Variants in SSH2 observed in about 807,000 individuals in gnomAD.
SSH2 encodes the protein protein phosphatase Slingshot homolog 2.
In SSH2, 37 loss-of-function variants were observed where a neutral mutation model predicts 135.2. The observed-to-expected ratio is 0.27, with a 90% CI of 0.21 to 0.36. The LOEUF (loss-of-function observed/expected upper bound fraction) is 0.36, where lower values mean the gene tolerates loss of function less well. Among genes scored for constraint, SSH2 ranks in the 10% least tolerant of loss-of-function variants. The pLI, the probability that SSH2 is intolerant of heterozygous loss-of-function variation, is 1.00. For synonymous variants in SSH2, 628 were observed against 646.2 expected (o/e 0.97, Z 0.43); for missense variants, 1,408 against 1,765.3 (o/e 0.80, Z 3.63).
chr17:29,645,930 G>T (rs1465331706), intron 14 of SSH2: 1 of 152,114 alleles, frequency 6.6e-6, no homozygotes, highest in African/African-American at 2.4e-5. Context: ...GCCCAGATAG[G>T]CTGGAAGGCT....
chr17:29,897,955 G>C (rs987411302), intron 1 of SSH2, among the ~76,000 whole-genome samples: 1 of 152,044 alleles, frequency 6.6e-6, no homozygotes, highest in African/African-American at 2.4e-5. Context: ...AATCAACCTG[G>C]AACTCGGGAT....
At chr17:29,889,612 G>A (rs1003083260) in intron 1 of SSH2, among the ~76,000 whole-genome samples, 4 of 151,830 alleles carry the variant, frequency 2.6e-5, no homozygotes, top group Admixed American at 2.6e-4. Context: ...GTGCTTCAGA[G>A]TACACCATAA....
chr17:29,650,839 C>T, intron 12 of SSH2, 39 bp from the exon 13 acceptor site: 3 of 1,514,372 alleles, frequency 2.0e-6, no homozygotes, highest in Non-Finnish European at 2.7e-6. Flanking sequence ...CTCTACTACT[C>T]AGGCTAAATC....
intron 14 of SSH2, among the ~76,000 whole-genome samples, chr17:29,639,301 T>G (rs1372431664): frequency 6.6e-6 from 1 of 152,050 alleles, no homozygotes; most frequent in East Asian, 1.9e-4. Flanking sequence ...GTTGGTCAGG[T>G]TCATCTGCCC....
At chr17:29,900,153 A>C (rs1278680998) in intron 1 of SSH2, among the ~76,000 whole-genome samples, 3 of 152,240 alleles carry the variant, frequency 2.0e-5, no homozygotes, top group African/African-American at 7.2e-5. Flanking sequence ...AAATACTTAT[A>C]TGTTAGACCT....
intron 1 of SSH2, among the ~76,000 whole-genome samples, chr17:29,862,582 T>C: frequency 6.6e-6 from 1 of 152,176 alleles, no homozygotes; most frequent in East Asian, 1.9e-4. Context: ...ACTGCCTCCC[T>C]TGGGCTCCAG....
chr17:29,656,069 C>T (rs1302679626), intron 11 of SSH2, among the ~76,000 whole-genome samples: 1 of 152,238 alleles, frequency 6.6e-6, no homozygotes, highest in South Asian at 2.1e-4. Context: ...AACCCACGCA[C>T]CTTGCACAGT....
intron 3 of SSH2, among the ~76,000 whole-genome samples, chr17:29,708,275 T>C (rs1280496815): frequency 1.3e-5 from 2 of 151,306 alleles, no homozygotes; most frequent in African/African-American, 2.4e-5. Flanking sequence ...TGACAAGGAG[T>C]TGTCAATTGT....
At chr17:29,793,674 G>T in intron 3 of SSH2, 2 of 412,822 alleles carry the variant, frequency 4.8e-6, no homozygotes, top group African/African-American at 2.1e-5. Context: ...CTGATACGTT[G>T]TCTCAAACTC....
rs2628168 is a variant in SSH2, at chr17:29,737,202, G to C, written c.189-34140C>G. The stretch of plus-strand genomic sequence containing the variant: ...AAATGCAGTGGCCTTATATTATTTA[G>C]ATTATCTGTTATATATACCTAAAAA... On this transcript the variant is annotated intron_variant, in intron 3 of 15. Transcript: ENST00000540801. Among the ~76,000 whole-genome samples, 4 of 147,958 alleles carry C rather than the reference G, an allele frequency of 2.7e-5. No homozygotes were observed. The Admixed American group carries it at 2.7e-4, about 10-fold the overall frequency.
rs2043657552 is a variant in SSH2 at position 29,758,451 on chromosome 17, T to C, written c.188+35443A>G. ...TATGATTAAATGAGATAGATGTACA[T>C]TAAACTCAGCACTGTGAAAATGGTC... is the stretch of plus-strand genomic sequence containing the variant. On this transcript the variant is annotated intron_variant, in intron 3 of 15. Transcript: ENST00000540801. Among the ~76,000 whole-genome samples the C allele has an allele frequency of 2.0e-5, 3 of 152,248 alleles. No individual in the cohort carries two copies. In the South Asian group the frequency reaches 6.2e-4, roughly 31 times the overall value.
chr17:29,642,202 C>T (rs11650918), intron 14 of SSH2, among the ~76,000 whole-genome samples: 3,618 of 152,208 alleles, frequency 0.024, 75 homozygotes, highest in Non-Finnish European at 0.036. Context: ...TTGCCTACTG[C>T]CAGCTGACCA....
intron 3 of SSH2, among the ~76,000 whole-genome samples, chr17:29,704,356 C>G (rs1233147335): frequency 6.6e-6 from 1 of 152,064 alleles, no homozygotes; most frequent in Non-Finnish European, 1.5e-5. Flanking sequence ...TTGTCATTCA[C>G]AAGATGATAA....
At chr17:29,769,757 C>CGTGT in intron 3 of SSH2, among the ~76,000 whole-genome samples, 1 of 152,268 alleles carries the variant, frequency 6.6e-6, no homozygotes, top group Admixed American at 6.5e-5. Flanking sequence ...GCTTATCGAA[C>CGTGT]GTGTCCAATT....
In SSH2 at chr17:29,642,091, C is replaced by T. The variant is rs193278355; in HGVS notation, c.1428-5289G>A. ...TGTGTGATGTGCATCGCCCAAGATG[C>T]TTTAAGATTATTTAACTGGAAAGCT... On this transcript the variant is annotated intron_variant, in intron 14 of 15. Transcript: ENST00000540801. 9.9e-4 allele frequency among the ~76,000 whole-genome samples: 150 copies of T among 152,200 alleles called. 2 individuals carry two copies. The Middle Eastern group carries it at 0.01, about 10-fold the overall frequency.
At chr17:29,843,753 T>A (rs1320471567) in intron 2 of SSH2, among the ~76,000 whole-genome samples, 2 of 152,104 alleles carry the variant, frequency 1.3e-5, no homozygotes, top group Non-Finnish European at 2.9e-5. Context: ...CTACTCCACA[T>A]CAGGCCTTGA....
intron 3 of SSH2, among the ~76,000 whole-genome samples, chr17:29,704,893 A>G (rs1389179030): frequency 6.6e-6 from 1 of 152,160 alleles, no homozygotes; most frequent in Non-Finnish European, 1.5e-5. Flanking sequence ...TACCTAATAG[A>G]GGATTCTAAA....
chr17:29,678,953 T>A (rs945949510), intron 6 of SSH2, among the ~76,000 whole-genome samples: 3 of 152,010 alleles, frequency 2.0e-5, no homozygotes, highest in Admixed American at 6.6e-5. Flanking sequence ...GGCCTCAGAG[T>A]GATCCACCCG....
chr17:29,731,414 A>G (rs1398324053), intron 3 of SSH2, among the ~76,000 whole-genome samples: 7 of 115,264 alleles, frequency 6.1e-5, no homozygotes, highest in Non-Finnish European at 7.3e-5. Flanking sequence ...TAGCAGAAGT[A>G]TTTTTTATTT....
Sources: allele counts gnomAD v4.1 joint callset (sites outside exome capture counted in the v4.1 genomes callset), GRCh38; gene constraint gnomAD v4.1.1; transcripts MANE v1.5; gene names NCBI Gene and HGNC (gene_info 2026-07-23, HGNC 2026-07-21).